DLGAP2: variants seen among roughly 807,000 people sequenced by gnomAD.
The protein encoded by DLGAP2 is DLG associated protein 2, also known as disks large-associated protein 2.
In DLGAP2, 26 loss-of-function variants were observed where a neutral mutation model predicts 100.3. The observed-to-expected ratio is 0.26, with a 90% confidence interval of 0.19 to 0.36. The LOEUF (loss-of-function observed/expected upper bound fraction) is 0.36. Among genes scored for constraint, DLGAP2 ranks in the 10% least tolerant of loss-of-function variants. The probability of loss-of-function intolerance (pLI) is 1.00; values close to 1 mark genes in which losing one functional copy is unlikely to be tolerated. For synonymous variants in DLGAP2, 886 were observed against 630.1 expected (o/e 1.41, Z -6.08); for missense variants, 1,858 against 1,453.2 (o/e 1.28, Z -4.53).
chr8:1,494,332 G>A (rs757929605), intron 3 of DLGAP2, among the ~76,000 whole-genome samples: 2 of 152,202 alleles, frequency 1.3e-5, no homozygotes, highest in Admixed American at 6.5e-5. Context: ...CTGAGAAGAC[G>A]CAATTGTGCT....
chr8:1,156,985 TC>T (rs962288777), intron 2 of DLGAP2, among the ~76,000 whole-genome samples: 6 of 151,852 alleles, frequency 4.0e-5, no homozygotes, highest in Non-Finnish European at 5.9e-5. Flanking sequence ...TTACAGCTCC[TC>T]CCCCGAGTCC....
intron 3 of DLGAP2, among the ~76,000 whole-genome samples, chr8:1,308,736 G>T (rs1176859158): frequency 6.6e-6 from 1 of 152,014 alleles, no homozygotes; most frequent in African/African-American, 2.4e-5. Flanking sequence ...TGTTGGTCAG[G>T]CTGGTCTTGA....
chr8:1,100,731 C>G (rs1316151533), intron 2 of DLGAP2, among the ~76,000 whole-genome samples: 1 of 152,214 alleles, frequency 6.6e-6, no homozygotes, highest in East Asian at 1.9e-4. Flanking sequence ...ACTTCATTCT[C>G]TTTCCACGCA....
chr8:791,316 A>G (rs1267529067), intron 1 of DLGAP2, among the ~76,000 whole-genome samples: 4 of 152,180 alleles, frequency 2.6e-5, no homozygotes, highest in East Asian at 3.9e-4. Flanking sequence ...CTCCCTCCAC[A>G]GAGAAGCCCA....
intron 2 of DLGAP2, among the ~76,000 whole-genome samples, chr8:1,122,424 C>A (rs1796070192): frequency 6.6e-6 from 1 of 152,130 alleles, no homozygotes; most frequent in African/African-American, 2.4e-5. Flanking sequence ...GAGGAGGATT[C>A]CTGGGAGCTC....
chr8:1,237,034 T>C (rs1798673668), intron 2 of DLGAP2, among the ~76,000 whole-genome samples: 1 of 147,264 alleles, frequency 6.8e-6, no homozygotes, highest in Non-Finnish European at 1.5e-5. Context: ...CAGAGCATCG[T>C]GTCTAGTTCT....
At chr8:1,259,438 T>C (rs1209005206) in intron 3 of DLGAP2, 1 of 152,332 alleles carries the variant, frequency 6.6e-6, no homozygotes, top group African/African-American at 2.4e-5. Flanking sequence ...AAAGCCAGCA[T>C]TGGTGTAATA....
intron 3 of DLGAP2, among the ~76,000 whole-genome samples, chr8:1,331,267 C>T (rs1259371587): frequency 6.6e-6 from 1 of 152,210 alleles, no homozygotes; most frequent in Non-Finnish European, 1.5e-5. Context: ...CAAATTCCTT[C>T]AGAGGTCCTG....
At chr8:1,344,708 G>T (rs1378500120) in intron 3 of DLGAP2, among the ~76,000 whole-genome samples, 6 of 152,128 alleles carry the variant, frequency 3.9e-5, no homozygotes, top group Non-Finnish European at 7.3e-5. Flanking sequence ...CCCCACACTG[G>T]TCTATCCGCT....
rs772678704 is a variant in DLGAP2 at position 1,633,059 on chromosome 8, C to T, written c.1810+13C>T. The T allele has an allele frequency of 5.0e-6, 8 of 1,613,822 alleles. No homozygotes were observed. In the South Asian group the frequency reaches 7.7e-5, roughly 16 times the overall value. On this transcript the variant is annotated intron_variant, in intron 8 of 14. Coordinates refer to ENST00000637795, the MANE Select transcript of DLGAP2 (RefSeq NM_001346810.2). ...AGGTCAACAGCAGGTAAGGGGACGC[C>T]ATTTTCAGCCTTCCAGCGGGGACTC... is the stretch of plus-strand genomic sequence containing the variant.
chr8:1,201,500 A>G (rs1797873369), intron 2 of DLGAP2, among the ~76,000 whole-genome samples: 1 of 152,200 alleles, frequency 6.6e-6, no homozygotes, highest in South Asian at 2.1e-4. Context: ...GGTCCTGGGG[A>G]CAGTGTGCTT....
At chr8:993,610 C>G (rs1027649905) in intron 2 of DLGAP2, among the ~76,000 whole-genome samples, 1 of 152,116 alleles carries the variant, frequency 6.6e-6, no homozygotes, top group East Asian at 1.9e-4. Flanking sequence ...TTGCTGATGC[C>G]TGGTGTGTAT....
intron 3 of DLGAP2, chr8:1,301,719 C>T (rs1172749036): frequency 1.3e-5 from 2 of 152,128 alleles, no homozygotes; most frequent in Non-Finnish European, 2.9e-5. Flanking sequence ...CAGAGGATGT[C>T]AGGAGGCCTC....
At chr8:1,371,103 C>G (rs1311379077) in intron 3 of DLGAP2, among the ~76,000 whole-genome samples, 1 of 152,216 alleles carries the variant, frequency 6.6e-6, no homozygotes, top group Admixed American at 6.5e-5. Flanking sequence ...ATAAACCATC[C>G]TGCATGTTTC....
intron 1 of DLGAP2, among the ~76,000 whole-genome samples, chr8:755,420 G>C (rs2132580222): frequency 6.6e-6 from 1 of 152,282 alleles, no homozygotes; most frequent in South Asian, 2.1e-4. Context: ...GATTGCCACT[G>C]CACTCCAGCC....
chr8:1,309,849 C>G (rs11779325), intron 3 of DLGAP2, among the ~76,000 whole-genome samples: 8,773 of 152,278 alleles, frequency 0.058, 317 homozygotes, highest in Middle Eastern at 0.16. Context: ...AATCCCAGCA[C>G]TTTGGGAGGC....
intron 4 of DLGAP2, among the ~76,000 whole-genome samples, chr8:1,523,484 C>T (rs959300187): frequency 2.6e-5 from 4 of 152,304 alleles, no homozygotes; most frequent in Non-Finnish European, 2.9e-5. Flanking sequence ...ATCTCAGGGC[C>T]GGATGGGGCT....
chr8:1,266,768 T>G (rs1487660826), intron 3 of DLGAP2, among the ~76,000 whole-genome samples: 1 of 151,920 alleles, frequency 6.6e-6, no homozygotes, highest in East Asian at 2.0e-4. Flanking sequence ...TGTGTTTGTG[T>G]GTGTGTTTTA....
At chr8:1,565,592 G>A (rs1802364798) in intron 5 of DLGAP2, 91 bp from the exon 6 acceptor site, 1 of 976,340 alleles carries the variant, frequency 1.0e-6, no homozygotes. Context: ...GTATCTTTAT[G>A]GAATTGTAGA....
Sources: gnomAD v4.1 joint callset for allele counts (sites outside exome capture counted in the v4.1 genomes callset) on GRCh38, gnomAD v4.1.1 for gene constraint, MANE v1.5 for transcripts, NCBI Gene and HGNC (gene_info 2026-07-23, HGNC 2026-07-21) for gene names.